Variants in BEND2 observed in about 807,000 individuals in gnomAD.
The protein encoded by BEND2 is BEN domain containing 2, also known as BEN domain-containing protein 2.
A neutral mutation model predicts 43.8 loss-of-function variants in BEND2; 19 were observed. That is an observed-to-expected ratio of 0.43 (90% confidence interval 0.30 to 0.64). The LOEUF is 0.64. Among genes scored for constraint, BEND2 ranks in the 30% least tolerant of loss-of-function variants. BEND2 has a pLI of 0.11. For missense variants in BEND2, 544 were observed against 574.0 expected, an observed-to-expected ratio of 0.95 and a Z score of 0.53; for synonymous variants, 226 against 210.1, an observed-to-expected ratio of 1.08 and a Z score of -0.66.
intron 4 of BEND2, among the ~76,000 whole-genome samples, chrX:18,207,508 A>G (rs1000457704): frequency 5.4e-5 from 6 of 111,851 alleles, no homozygotes; most frequent in African/African-American, 1.6e-4. Context: ...TTTAAGGATT[A>G]TTTTGGAGAA....
chrX:18,205,593 G>C (rs180968501), intron 4 of BEND2, among the ~76,000 whole-genome samples: 1 of 67,127 alleles, frequency 1.5e-5, no homozygotes, highest in African/African-American at 6.4e-5. Flanking sequence ...GCAATGGAAT[G>C]AGACCCTGTC....
intron 4 of BEND2, among the ~76,000 whole-genome samples, chrX:18,207,443 C>T (rs1361447851): frequency 9.0e-6 from 1 of 110,864 alleles, no homozygotes; most frequent in African/African-American, 3.3e-5. Context: ...TCCATTGAGA[C>T]ATCTTGATAC....
At chrX:18,220,564 G>C (rs999813375) in intron 1 of BEND2, among the ~76,000 whole-genome samples, 162 bp downstream of exon 1, 1 of 112,245 alleles carries the variant, frequency 8.9e-6, no homozygotes, top group Non-Finnish European at 1.9e-5. Flanking sequence ...CTGAGCAATC[G>C]GCGGCAGATG....
intron 6 of BEND2, among the ~76,000 whole-genome samples, chrX:18,198,130 A>G (rs1439143814): frequency 9.0e-6 from 1 of 111,155 alleles, no homozygotes; most frequent in Non-Finnish European, 1.9e-5. Context: ...ACCATTCAGG[A>G]CATAGGCATG....
chrX:18,202,496 C>A (rs975995438), intron 5 of BEND2, among the ~76,000 whole-genome samples: 1 of 111,818 alleles, frequency 8.9e-6, no homozygotes, highest in Admixed American at 9.5e-5. Flanking sequence ...AGGCTTCACA[C>A]GGCATTTTGA....
At chrX:18,180,195 T>A (rs1308204807) in intron 9 of BEND2, among the ~76,000 whole-genome samples, 2 of 111,704 alleles carry the variant, frequency 1.8e-5, no homozygotes, top group African/African-American at 6.5e-5. Flanking sequence ...AAAAGACACA[T>A]GAGTTTTAAA....
rs143106551 is a variant in BEND2, at chrX:18,216,554, C to G, written c.205G>C (p.Asp69His). 12 of 1,206,529 alleles carry G rather than the reference C, an allele frequency of 9.9e-6. No individual in the cohort carries two copies. The East Asian group carries it at 2.1e-4, about 21-fold the overall frequency. Reference protein sequence around the residue: ...ATQPNFPGGNDGHHRPLQMSY... With the variant: ...ATQPNFPGGNHGHHRPLQMSY... ...ATTTGGAGTGGACGGTGATGGCCATCATTGCCGCCTGGAAAATTTGGTTGT... is the reference window on the plus strand; with the variant it reads ...ATTTGGAGTGGACGGTGATGGCCATGATTGCCGCCTGGAAAATTTGGTTGT... The change falls in exon 2 of 14, where the codon GAT (aspartate) becomes CAT (histidine). Residue 69 changes from aspartate (D) to histidine (H), a missense_variant. Coordinates refer to ENST00000380033, the MANE Select transcript of BEND2 (RefSeq NM_153346.5).
At chrX:18,214,482 G>A (rs1226228216) in intron 2 of BEND2, among the ~76,000 whole-genome samples, 3 of 110,652 alleles carry the variant, frequency 2.7e-5, no homozygotes, top group Admixed American at 9.7e-5. Flanking sequence ...TATTTAAGCT[G>A]TATATTTATG....
intron 9 of BEND2, among the ~76,000 whole-genome samples, chrX:18,178,735 A>G (rs894986279): frequency 5.4e-5 from 6 of 111,373 alleles, no homozygotes; most frequent in African/African-American, 1.6e-4. Context: ...TCACAATTCT[A>G]TGAAGTAGAC....
Position 18,194,855 on chromosome X carries a change from G to C in BEND2, c.1180+441C>G, listed in dbSNP as rs181411062. On this transcript the variant is annotated intron_variant, in intron 7 of 13. Coordinates refer to ENST00000380033, the MANE Select transcript of BEND2 (RefSeq NM_153346.5). Reference sequence around the variant, plus strand: ...TGTTAGGGAAGGGTGACCTGAGAGAGTTGGTGTGGTTATCAAAGGTAACAC... The same window carrying C: ...TGTTAGGGAAGGGTGACCTGAGAGACTTGGTGTGGTTATCAAAGGTAACAC... Among the ~76,000 whole-genome samples the C allele has an allele frequency of 6.3e-5, 7 of 110,523 alleles. No individual in the cohort carries two copies. The East Asian group carries it at 1.7e-3, about 27-fold the overall frequency.
chrX:18,218,340 G>A (rs183624666), intron 1 of BEND2, among the ~76,000 whole-genome samples: 1 of 111,664 alleles, frequency 9.0e-6, no homozygotes, highest in Non-Finnish European at 1.9e-5. Context: ...TGTCGATTCT[G>A]TACAAGGAAC....
chrX:18,216,424 C>CTAATTACAG lies in BEND2; in HGVS notation c.238+96_238+97insCTGTAATTA, dbSNP rs1322112340. On this transcript the variant is annotated intron_variant, in intron 2 of 13. Transcript: ENST00000380033. ...ATGAAGCTAAGCCCTCTGGTCATAA[C>CTAATTACAG]TAATTACTGTAAAGGTTACAGGAAT... The CTAATTACAG allele has an allele frequency of 2.0e-5, 15 of 768,326 alleles. No homozygotes were observed. In the African/African-American group the frequency reaches 3.1e-4, roughly 16 times the overall value. 63.3% of individuals were successfully genotyped at this position (768,326 alleles called of 1,213,427 possible). A position where few individuals can be genotyped will look rare whatever the true frequency, so the allele number is the denominator to read the frequency against.
chrX:18,198,075 G>T (rs1052292641), intron 6 of BEND2, among the ~76,000 whole-genome samples: 1 of 111,378 alleles, frequency 9.0e-6, no homozygotes, highest in African/African-American at 3.3e-5. Context: ...AGACTTAAAC[G>T]TTAGACCTAA....
intron 9 of BEND2, among the ~76,000 whole-genome samples, chrX:18,179,243 C>CA (rs1160879188): frequency 1.1e-5 from 1 of 92,464 alleles, no homozygotes. Flanking sequence ...ACTATAGCCT[C>CA]AAACTTCCGG....
intron 8 of BEND2, among the ~76,000 whole-genome samples, chrX:18,186,537 G>C (rs1048940471): frequency 1.8e-5 from 2 of 108,437 alleles, no homozygotes; most frequent in African/African-American, 3.3e-5. Flanking sequence ...TTAAGTTAAA[G>C]TGTAGAGTTT....
intron 4 of BEND2, 67 bp from the exon 5 acceptor site, chrX:18,203,982 A>C: frequency 7.9e-6 from 8 of 1,014,133 alleles, no homozygotes; most frequent in Non-Finnish European, 1.1e-5. Flanking sequence ...CAATTTCTCC[A>C]TGAGACATAC....
intron 13 of BEND2, among the ~76,000 whole-genome samples, chrX:18,167,966 T>G (rs1923866598): frequency 1.8e-5 from 2 of 112,443 alleles, no homozygotes; most frequent in Non-Finnish European, 3.8e-5. Context: ...CATCTGAAGG[T>G]AGTCATTGAA....
intron 13 of BEND2, among the ~76,000 whole-genome samples, chrX:18,169,155 AAAAATAAAAT>A (rs201767881): frequency 2.7e-5 from 3 of 110,632 alleles, no homozygotes; most frequent in African/African-American, 6.6e-5. Context: ...AAAAAAAAGA[AAAAATAAAAT>A]AAAATAAAAT....
chrX:18,189,581 A>G (rs1924688584), intron 8 of BEND2, among the ~76,000 whole-genome samples: 1 of 111,640 alleles, frequency 9.0e-6, no homozygotes, highest in African/African-American at 3.3e-5. Context: ...AAATTAATCA[A>G]TGTGATATGT....
Sources: gnomAD v4.1 joint callset for allele counts (sites outside exome capture counted in the v4.1 genomes callset) on GRCh38, gnomAD v4.1.1 for gene constraint, MANE v1.5 for transcripts, NCBI Gene and HGNC (gene_info 2026-07-23, HGNC 2026-07-21) for gene names.